HS6ST1: variants seen among roughly 807,000 people sequenced by gnomAD.
HS6ST1 encodes heparan-sulfate 6-O-sulfotransferase 1.
Under a neutral mutation model 25.2 loss-of-function variants are expected in HS6ST1, and 3 were observed. The observed-to-expected ratio is 0.12, with a 90% CI of 0.05 to 0.31. The LOEUF (loss-of-function observed/expected upper bound fraction) is 0.31. HS6ST1 is among the 10% of genes least tolerant of loss of function. The probability of loss-of-function intolerance (pLI) is 1.00; values close to 1 mark genes in which losing one functional copy is unlikely to be tolerated. For missense variants in HS6ST1, 310 were observed against 609.6 expected (o/e 0.51, Z 5.18); for synonymous variants, 204 against 275.1 (o/e 0.74, Z 2.56).
intron 1 of HS6ST1, among the ~76,000 whole-genome samples, chr2:128,305,806 G>A (rs1694199873): frequency 6.6e-6 from 1 of 152,244 alleles, no homozygotes; most frequent in Admixed American, 6.5e-5. Flanking sequence ...ACCTTGAGGA[G>A]GGTGGGCCAG....
intron 1 of HS6ST1, among the ~76,000 whole-genome samples, chr2:128,304,974 GC>G (rs1056174394): frequency 6.6e-6 from 1 of 152,208 alleles, no homozygotes; most frequent in Non-Finnish European, 1.5e-5. Flanking sequence ...CTTCCTGGTG[GC>G]CCAGGGCAGT....
At chr2:128,278,685 C>T (rs1442403755) in intron 1 of HS6ST1, among the ~76,000 whole-genome samples, 4 of 152,264 alleles carry the variant, frequency 2.6e-5, no homozygotes, top group South Asian at 4.2e-4. Flanking sequence ...TGGGGTTCCA[C>T]GAGCAAGGGT....
intron 1 of HS6ST1, among the ~76,000 whole-genome samples, chr2:128,303,408 G>C (rs1694163388): frequency 6.6e-6 from 1 of 152,242 alleles, no homozygotes; most frequent in South Asian, 2.1e-4. Context: ...CTGTGCTTGA[G>C]AACAAGTTCT....
chr2:128,299,349 G>A (rs1694088234), intron 1 of HS6ST1, among the ~76,000 whole-genome samples: 1 of 152,260 alleles, frequency 6.6e-6, no homozygotes, highest in Admixed American at 6.5e-5. Flanking sequence ...CCTCTGCCCT[G>A]GCCGGCCCAC....
chr2:128,269,824 C>T (rs116798059), intron 1 of HS6ST1, among the ~76,000 whole-genome samples: 1,580 of 152,328 alleles, frequency 0.01, 25 homozygotes, highest in African/African-American at 0.036. Flanking sequence ...TGACCCCCCG[C>T]CAGGATTCCC....
chr2:128,293,509 C>T (rs139648670), intron 1 of HS6ST1, among the ~76,000 whole-genome samples: 73 of 152,292 alleles, frequency 4.8e-4, no homozygotes, highest in Admixed American at 2.2e-3. Context: ...TACCCCAGGA[C>T]GGGAGGGGAC....
At chr2:128,272,717 G>T (rs1371748873) in intron 1 of HS6ST1, among the ~76,000 whole-genome samples, 2 of 152,164 alleles carry the variant, frequency 1.3e-5, no homozygotes, top group Non-Finnish European at 2.9e-5. Context: ...AATGACTCGG[G>T]TTTTTTGTGT....
intron 1 of HS6ST1, among the ~76,000 whole-genome samples, chr2:128,271,723 TG>T (rs1157889159): frequency 1.3e-5 from 2 of 152,170 alleles, no homozygotes; most frequent in African/African-American, 4.8e-5. Flanking sequence ...CACTCAAAGC[TG>T]GGGTTGCCAC....
intron 1 of HS6ST1, among the ~76,000 whole-genome samples, chr2:128,287,960 G>A (rs908975743): frequency 1.3e-5 from 2 of 152,352 alleles, no homozygotes; most frequent in East Asian, 1.9e-4. Flanking sequence ...TTCTGACACC[G>A]GCAGGCGAGA....
intron 1 of HS6ST1, among the ~76,000 whole-genome samples, chr2:128,310,926 C>T (rs72971106): frequency 3.2e-4 from 48 of 152,282 alleles, no homozygotes; most frequent in African/African-American, 9.9e-4. Context: ...TCCACTGCCC[C>T]CCCTTGCTGT....
At chr2:128,316,760 C>T (rs1429365990) in intron 1 of HS6ST1, among the ~76,000 whole-genome samples, 4 of 143,342 alleles carry the variant, frequency 2.8e-5, no homozygotes, top group African/African-American at 1.2e-4. Context: ...TGGGAAGATG[C>T]CCCTCCAACT....
chr2:128,306,050 T>C (rs917077114), intron 1 of HS6ST1, among the ~76,000 whole-genome samples: 5 of 152,202 alleles, frequency 3.3e-5, no homozygotes, highest in Non-Finnish European at 7.3e-5. Flanking sequence ...CTGCCACCGG[T>C]GACCTTAGGT....
chr2:128,301,856 TG>T (rs1228129411), intron 1 of HS6ST1, among the ~76,000 whole-genome samples: 1 of 152,170 alleles, frequency 6.6e-6, no homozygotes, highest in Non-Finnish European at 1.5e-5. Flanking sequence ...TGGGCCCCAC[TG>T]GCTCACGCAG....
intron 1 of HS6ST1, among the ~76,000 whole-genome samples, chr2:128,305,268 A>C (rs13014434): frequency 0.16 from 23,974 of 152,308 alleles, 2,365 homozygotes; most frequent in Non-Finnish European, 0.21. Context: ...TTGCCAGCCC[A>C]GCTTCCAGGA....
At chr2:128,303,685 G>A (rs1694167818) in intron 1 of HS6ST1, among the ~76,000 whole-genome samples, 1 of 152,176 alleles carries the variant, frequency 6.6e-6, no homozygotes, top group South Asian at 2.1e-4. Flanking sequence ...CATCTGGGAG[G>A]TGCCTAGAAA....
rs564919918 is a variant in HS6ST1, at chr2:128,269,442, G to A, written c.528-572C>T. ...CTGGGTTGTCCCCCAAGACACCAAC[G>A]CATTGCACAGTATGTAACGGTGCGT... On this transcript the variant is annotated intron_variant, in intron 1 of 1. Transcript: ENST00000259241. Among the ~76,000 whole-genome samples, 8 of 152,272 alleles carry A rather than the reference G, an allele frequency of 5.3e-5. No homozygotes were observed. The South Asian group carries it at 1.2e-3, about 24-fold the overall frequency.
chr2:128,295,099 T>C (rs968643233), intron 1 of HS6ST1, among the ~76,000 whole-genome samples: 2 of 152,164 alleles, frequency 1.3e-5, no homozygotes, highest in African/African-American at 4.8e-5. Context: ...CATGCGCAGA[T>C]CCAGTGCCCT....
intron 1 of HS6ST1, among the ~76,000 whole-genome samples, chr2:128,300,316 G>C (rs920288220): frequency 3.3e-5 from 5 of 152,128 alleles, no homozygotes; most frequent in Non-Finnish European, 7.4e-5. Flanking sequence ...CCTGGACCCT[G>C]GCAGGGATGG....
intron 1 of HS6ST1, among the ~76,000 whole-genome samples, chr2:128,313,940 TAAA>T (rs59138336): frequency 7.2e-6 from 1 of 138,098 alleles, no homozygotes. Context: ...TGTGTTTGCT[TAAA>T]AAAAAAAAAA....
Sources: gnomAD v4.1 joint callset for allele counts (sites outside exome capture counted in the v4.1 genomes callset) on GRCh38, gnomAD v4.1.1 for gene constraint, MANE v1.5 for transcripts, NCBI Gene and HGNC (gene_info 2026-07-23, HGNC 2026-07-21) for gene names.